The following CNTN5 variants were observed in gnomAD, a reference collection of about 807,000 sequenced individuals.
CNTN5 encodes the protein contactin-5.
Under a neutral mutation model 129.1 loss-of-function variants are expected in CNTN5, and 77 were observed. The ratio of observed to expected loss-of-function variants is 0.60; its 90% CI spans 0.50 to 0.72. The LOEUF is 0.72. Ranked by LOEUF, CNTN5 falls within the 30% of genes least tolerant of loss-of-function variation. The pLI, the probability that CNTN5 is intolerant of heterozygous loss-of-function variation, is 0.00. For synonymous variants in CNTN5, 509 were observed against 465.6 expected (o/e 1.09, Z -1.20); for missense variants, 1,478 against 1,328.8 (o/e 1.11, Z -1.75).
At chr11:99,516,586 G>A (rs371439265) in intron 2 of CNTN5, among the ~76,000 whole-genome samples, 40 of 152,110 alleles carry the variant, frequency 2.6e-4, no homozygotes, top group African/African-American at 8.9e-4. Flanking sequence ...TGAGAGCATC[G>A]AGTGAGGGTC....
intron 9 of CNTN5, among the ~76,000 whole-genome samples, 153 bp from the exon 10 acceptor site, chr11:100,061,059 G>A (rs559671745): frequency 2.9e-5 from 3 of 102,456 alleles, no homozygotes; most frequent in East Asian, 3.7e-4. Context: ...GACAACCCAC[G>A]TGGAAAGTGA....
At chr11:99,628,695 C>T (rs1005877402) in intron 3 of CNTN5, among the ~76,000 whole-genome samples, 3 of 86,686 alleles carry the variant, frequency 3.5e-5, no homozygotes, top group Non-Finnish European at 8.6e-5. Context: ...TATAACAGCT[C>T]ATAAATCTTA....
intron 6 of CNTN5, among the ~76,000 whole-genome samples, chr11:99,911,133 T>G (rs1024439961): frequency 2.0e-5 from 3 of 152,096 alleles, no homozygotes; most frequent in African/African-American, 7.2e-5. Context: ...TCTCTGACAC[T>G]TAGTCTAATA....
chr11:99,344,709 G>A (rs1269200259), intron 2 of CNTN5, among the ~76,000 whole-genome samples: 16 of 152,162 alleles, frequency 1.1e-4, no homozygotes, highest in Admixed American at 5.2e-4. Flanking sequence ...GCTCCGAAAA[G>A]CATCAAAATG....
At chr11:99,464,563 A>G (rs936642476) in intron 2 of CNTN5, among the ~76,000 whole-genome samples, 19 of 152,198 alleles carry the variant, frequency 1.2e-4, no homozygotes, top group Non-Finnish European at 2.6e-4. Context: ...GAAATATAAC[A>G]GGAAAAGGTG....
At chr11:99,940,208 G>A (rs1468496703) in intron 7 of CNTN5, among the ~76,000 whole-genome samples, 5 of 152,128 alleles carry the variant, frequency 3.3e-5, no homozygotes, top group African/African-American at 4.8e-5. Context: ...CAAGGGTGCT[G>A]AGATTGAGAA....
At chr11:99,571,530 T>C (rs1214187030) in intron 3 of CNTN5, among the ~76,000 whole-genome samples, 1 of 152,182 alleles carries the variant, frequency 6.6e-6, no homozygotes, top group Non-Finnish European at 1.5e-5. Flanking sequence ...ATGGAATGAC[T>C]AGAATGAGAA....
intron 23 of CNTN5, among the ~76,000 whole-genome samples, chr11:100,350,328 C>T (rs371332348): frequency 1.6e-4 from 24 of 151,812 alleles, no homozygotes; most frequent in African/African-American, 5.1e-4. Context: ...TCCCATATAT[C>T]CCCTCTCCAT....
chr11:99,636,743 G>A (rs1170668766), intron 3 of CNTN5, among the ~76,000 whole-genome samples: 2 of 150,106 alleles, frequency 1.3e-5, no homozygotes, highest in African/African-American at 2.4e-5. Context: ...AGCTGGGCGC[G>A]GTGGCTCATA....
Position 100,021,857 on chromosome 11 carries a change from G to A in CNTN5, c.980+19721G>A, listed in dbSNP as rs561710265. 2.2e-4 allele frequency among the ~76,000 whole-genome samples: 33 copies of A among 152,206 alleles called. 1 individual carries two copies. The highest frequency in any genetic ancestry group is 6.2e-4 in the South Asian group (3 of 4,836). ...CCCAAGAGCCCCTGGCAAACCACTC[G>A]TGTAGGAACAAGAGTTAAAAAGCCA... On this transcript the variant is annotated intron_variant, in intron 9 of 24. Coordinates refer to ENST00000524871, the MANE Select transcript of CNTN5 (RefSeq NM_014361.4).
intron 1 of CNTN5, among the ~76,000 whole-genome samples, chr11:99,294,202 T>C: frequency 6.6e-6 from 1 of 152,170 alleles, no homozygotes. Flanking sequence ...TTTTCATATA[T>C]TTAGTGGTTC....
intron 3 of CNTN5, among the ~76,000 whole-genome samples, chr11:99,757,558 A>G (rs892013011): frequency 2.0e-5 from 3 of 152,040 alleles, no homozygotes; most frequent in African/African-American, 7.2e-5. Flanking sequence ...GACCCATACT[A>G]TAAGTGCCCC....
chr11:99,677,977 A>G lies in CNTN5; in HGVS notation c.55+121708A>G, dbSNP rs576394103. Among the ~76,000 whole-genome samples the G allele has an allele frequency of 3.9e-5, 6 of 152,190 alleles. No homozygotes were observed. The East Asian group carries it at 1.2e-3, about 29-fold the overall frequency. ...GTACTCTCGAAAAAATCAGATTTCCAACTATTATGCTTCTACTGAAGCACT... is the reference window on the plus strand; with the variant it reads ...GTACTCTCGAAAAAATCAGATTTCCGACTATTATGCTTCTACTGAAGCACT... On this transcript the variant is annotated intron_variant, in intron 3 of 24. Transcript: ENST00000524871.
intron 2 of CNTN5, among the ~76,000 whole-genome samples, chr11:99,414,834 C>A (rs1471159671): frequency 6.6e-6 from 1 of 152,106 alleles, no homozygotes; most frequent in South Asian, 2.1e-4. Context: ...GAGAGAATGG[C>A]AGACAATCAA....
At chr11:99,225,310 G>A (rs1268108278) in intron 1 of CNTN5, among the ~76,000 whole-genome samples, 1 of 152,088 alleles carries the variant, frequency 6.6e-6, no homozygotes, top group Admixed American at 6.6e-5. Context: ...TGCGAGAGAA[G>A]AGTGAAAGAA....
chr11:100,037,729 C>T (rs1361377805), intron 9 of CNTN5, among the ~76,000 whole-genome samples: 2 of 152,126 alleles, frequency 1.3e-5, no homozygotes, highest in Non-Finnish European at 2.9e-5. Flanking sequence ...TTATCCATTT[C>T]TTCTAGATTT....
At chr11:99,996,590 T>C (rs1939459161) in intron 8 of CNTN5, among the ~76,000 whole-genome samples, 1 of 152,192 alleles carries the variant, frequency 6.6e-6, no homozygotes, top group African/African-American at 2.4e-5. Context: ...TTTCCACTTA[T>C]CCAAACCCTC....
At chr11:99,846,053 A>G (rs1947682890) in intron 6 of CNTN5, among the ~76,000 whole-genome samples, 1 of 151,988 alleles carries the variant, frequency 6.6e-6, no homozygotes, top group Non-Finnish European at 1.5e-5. Context: ...CTAATATTTT[A>G]GATTTTGACT....
chr11:99,432,425 T>TTTTCCTTTTC (rs1943409874), intron 2 of CNTN5, among the ~76,000 whole-genome samples: 2 of 144,372 alleles, frequency 1.4e-5, no homozygotes, highest in East Asian at 2.0e-4. Flanking sequence ...CTTTCTTTTC[T>TTTTCCTTTTC]TTTCCTTTTC....
Sources: gnomAD v4.1 joint callset for allele counts (sites outside exome capture counted in the v4.1 genomes callset) on GRCh38, gnomAD v4.1.1 for gene constraint, MANE v1.5 for transcripts, NCBI Gene and HGNC (gene_info 2026-07-23, HGNC 2026-07-21) for gene names.